Variants in CAMK1D observed in about 807,000 individuals in gnomAD.
CAMK1D encodes calcium/calmodulin dependent protein kinase ID, also known as calcium/calmodulin-dependent protein kinase type 1D.
CAMK1D carries 9 observed loss-of-function variants against 47.7 expected under a neutral mutation model. The ratio of observed to expected loss-of-function variants is 0.19; its 90% CI spans 0.11 to 0.33. The LOEUF (loss-of-function observed/expected upper bound fraction) is 0.33, where lower values mean the gene tolerates loss of function less well. Ranked by LOEUF, CAMK1D falls within the 10% of genes least tolerant of loss-of-function variation. The pLI is 1.00. For synonymous variants in CAMK1D, 184 were observed against 184.9 expected (o/e 0.99, Z 0.04); for missense variants, 291 against 488.7 (o/e 0.60, Z 3.81).
chr10:12,642,853 G>C (rs1205335641), intron 2 of CAMK1D, among the ~76,000 whole-genome samples: 1 of 152,168 alleles, frequency 6.6e-6, no homozygotes, highest in East Asian at 1.9e-4. Flanking sequence ...GTTTTTCCCA[G>C]TATACTTGAG....
intron 3 of CAMK1D, among the ~76,000 whole-genome samples, chr10:12,708,354 A>G (rs1456381711): frequency 1.3e-5 from 2 of 152,130 alleles, no homozygotes; most frequent in Non-Finnish European, 2.9e-5. Flanking sequence ...GGAGGGAAGG[A>G]GAAGAAGGAA....
At chr10:12,650,797 C>T (rs1397277188) in intron 2 of CAMK1D, among the ~76,000 whole-genome samples, 2 of 152,182 alleles carry the variant, frequency 1.3e-5, no homozygotes, top group Non-Finnish European at 2.9e-5. Flanking sequence ...AACATCAGCT[C>T]TGCAGACACT....
chr10:12,709,141 T>C (rs569100684), intron 3 of CAMK1D, among the ~76,000 whole-genome samples: 34 of 152,230 alleles, frequency 2.2e-4, no homozygotes, highest in African/African-American at 7.9e-4. Flanking sequence ...GGGGGGCGGG[T>C]GAGAACCTCT....
chr10:12,398,460 T>C (rs1416471295), intron 1 of CAMK1D, among the ~76,000 whole-genome samples: 3 of 152,220 alleles, frequency 2.0e-5, no homozygotes, highest in Non-Finnish European at 4.4e-5. Context: ...GTGATTCTCC[T>C]GCCTCAGACT....
intron 1 of CAMK1D, among the ~76,000 whole-genome samples, chr10:12,394,593 C>G (rs926410736): frequency 6.6e-6 from 1 of 152,134 alleles, no homozygotes; most frequent in Non-Finnish European, 1.5e-5. Context: ...GAGGTCTGTG[C>G]TAGGAGCCAC....
At chr10:12,458,423 T>C (rs1267362827) in intron 1 of CAMK1D, among the ~76,000 whole-genome samples, 4 of 149,736 alleles carry the variant, frequency 2.7e-5, no homozygotes, top group African/African-American at 4.9e-5. Flanking sequence ...ATTTTTTTAA[T>C]TTTATTTTTT....
chr10:12,816,144 C>A, intron 7 of CAMK1D, 106 bp from the exon 8 acceptor site: 2 of 813,012 alleles, frequency 2.5e-6, no homozygotes, highest in Admixed American at 2.2e-5. Flanking sequence ...GGGCTGGTCT[C>A]ATATTTTTCA....
At chr10:12,729,885 G>A (rs944599098) in intron 3 of CAMK1D, among the ~76,000 whole-genome samples, 4 of 151,922 alleles carry the variant, frequency 2.6e-5, no homozygotes, top group African/African-American at 9.7e-5. Context: ...TGGTGAGGTC[G>A]GGGACAAAAG....
At chr10:12,541,088 T>C (rs554866544) in intron 1 of CAMK1D, among the ~76,000 whole-genome samples, 209 of 152,376 alleles carry the variant, frequency 1.4e-3, no homozygotes, top group African/African-American at 4.8e-3. Flanking sequence ...CTTGGATTCA[T>C]ATTTGTTCTT....
intron 2 of CAMK1D, among the ~76,000 whole-genome samples, chr10:12,652,474 G>A (rs1226364703): frequency 6.7e-6 from 1 of 150,336 alleles, no homozygotes; most frequent in Non-Finnish European, 1.5e-5. Context: ...TGTAGTCCCA[G>A]CTACTTGGGA....
At chr10:12,659,959 A>G (rs1471182544) in intron 2 of CAMK1D, among the ~76,000 whole-genome samples, 2 of 152,198 alleles carry the variant, frequency 1.3e-5, no homozygotes, top group Admixed American at 6.5e-5. Flanking sequence ...TGCACATTGC[A>G]GGGCAATCTG....
intron 2 of CAMK1D, among the ~76,000 whole-genome samples, chr10:12,568,881 GTTATTATTA>G (rs1237252447): frequency 6.6e-6 from 1 of 152,142 alleles, no homozygotes; most frequent in African/African-American, 2.4e-5. Flanking sequence ...AGTCACCACT[GTTATTATTA>G]AGTCCATTAT....
rs370164241 is a variant in CAMK1D at position 12,798,850 on chromosome 10, C to T, written c.641+7617C>T. ...CATTCCCCTAGCAGGACACTGTGCA[C>T]ACAGAAGAATCAGGGGCTCTTTATT... On this transcript the variant is annotated intron_variant, in intron 6 of 10. Coordinates refer to ENST00000619168, the MANE Select transcript of CAMK1D (RefSeq NM_153498.4). Among the ~76,000 whole-genome samples the T allele has an allele frequency of 6.2e-4, 94 of 152,296 alleles. 1 individual carries two copies. The South Asian group carries it at 0.019, about 31-fold the overall frequency.
chr10:12,669,769 TA>T (rs1198710593), intron 3 of CAMK1D, among the ~76,000 whole-genome samples: 1 of 152,212 alleles, frequency 6.6e-6, no homozygotes, highest in Non-Finnish European at 1.5e-5. Context: ...AAATATCATA[TA>T]AATTGACTTA....
chr10:12,736,574 A>G (rs557698007), intron 3 of CAMK1D, among the ~76,000 whole-genome samples: 15 of 152,230 alleles, frequency 9.9e-5, no homozygotes, highest in Non-Finnish European at 1.8e-4. Flanking sequence ...ATTTCAATAC[A>G]AAACCCAACA....
At chr10:12,821,418 C>T (rs977110845) in intron 8 of CAMK1D, among the ~76,000 whole-genome samples, 12 of 152,170 alleles carry the variant, frequency 7.9e-5, no homozygotes, top group African/African-American at 2.2e-4. Context: ...ACCAGAGCTC[C>T]GGTTGGCTGT....
At chr10:12,788,588 T>C (rs1837838337) in intron 5 of CAMK1D, among the ~76,000 whole-genome samples, 2 of 152,332 alleles carry the variant, frequency 1.3e-5, no homozygotes, top group South Asian at 4.1e-4. Context: ...ATGGTCCTTG[T>C]GGATGTCGTT....
chr10:12,378,535 C>G (rs1282754999), intron 1 of CAMK1D, among the ~76,000 whole-genome samples: 1 of 129,092 alleles, frequency 7.7e-6, no homozygotes, highest in Non-Finnish European at 1.7e-5. Context: ...GTGACTGGCC[C>G]CTTAGTATTT....
At chr10:12,450,567 G>A (rs551313541) in intron 1 of CAMK1D, among the ~76,000 whole-genome samples, 2 of 152,308 alleles carry the variant, frequency 1.3e-5, no homozygotes, top group South Asian at 4.1e-4. Context: ...GCTGGGCTTG[G>A]CTTGTAGATT....
Sources: gnomAD v4.1 joint callset for allele counts (sites outside exome capture counted in the v4.1 genomes callset) on GRCh38, gnomAD v4.1.1 for gene constraint, MANE v1.5 for transcripts, NCBI Gene and HGNC (gene_info 2026-07-23, HGNC 2026-07-21) for gene names.